NDUFAB1: variants seen among roughly 807,000 people sequenced by gnomAD.
The protein encoded by NDUFAB1 is NADH:ubiquinone oxidoreductase subunit AB1.
Under a neutral mutation model 16.1 loss-of-function variants are expected in NDUFAB1, and 5 were observed. The observed-to-expected ratio is 0.31, with a 90% CI of 0.16 to 0.65. The LOEUF is 0.65. Ranked by LOEUF, NDUFAB1 falls within the 30% of genes least tolerant of loss-of-function variation. NDUFAB1 has a pLI of 0.77. For missense variants in NDUFAB1, 187 were observed against 205.3 expected (o/e 0.91, Z 0.54); for synonymous variants, 85 against 78.4 (o/e 1.08, Z -0.44).
At chr16:23,595,415 C>T (rs1381768521) in intron 1 of NDUFAB1, 2 of 374,614 alleles carry the variant, frequency 5.3e-6, no homozygotes, top group Non-Finnish European at 1.1e-5. Context: ...ATACCCAAAT[C>T]CCCGCACACT....
At chr16:23,581,546 TAA>T (rs60306232) in intron 4 of NDUFAB1, among the ~76,000 whole-genome samples, 32 of 122,938 alleles carry the variant, frequency 2.6e-4, no homozygotes, top group East Asian at 4.5e-4. Context: ...GTTCCATCTT[TAA>T]AAAAAAAAAA....
intron 1 of NDUFAB1, 38 bp downstream of exon 1, chr16:23,596,085 G>T: frequency 6.3e-7 from 1 of 1,593,708 alleles, no homozygotes; most frequent in South Asian, 1.1e-5. Context: ...CCCAATCCCT[G>T]ACCCTTGCCA....
chr16:23,582,703 GCTCCCTCTCCCTCTCCCCACGGT>G (rs1229718996), intron 3 of NDUFAB1, among the ~76,000 whole-genome samples: 230 of 145,578 alleles, frequency 1.6e-3, no homozygotes, highest in Non-Finnish European at 2.0e-3. Flanking sequence ...AAGAAACCCA[GCTCCCTCTCCCTCTCCCCACGGT>G]CTCCCTCTCC....
chr16:23,584,177 C>T (rs538993577), intron 3 of NDUFAB1, among the ~76,000 whole-genome samples: 3 of 145,730 alleles, frequency 2.1e-5, no homozygotes, highest in Admixed American at 7.0e-5. Context: ...CACTTGTTTA[C>T]CTGCTGACCT....
intron 1 of NDUFAB1, among the ~76,000 whole-genome samples, chr16:23,590,650 T>C (rs919384234): frequency 5.4e-5 from 8 of 147,952 alleles, no homozygotes; most frequent in Non-Finnish European, 8.8e-5. Context: ...TTTTTTTTTT[T>C]TTTTCAGACA....
intron 1 of NDUFAB1, among the ~76,000 whole-genome samples, chr16:23,593,084 C>T (rs2142238870): frequency 6.6e-6 from 1 of 152,252 alleles, no homozygotes; most frequent in South Asian, 2.1e-4. Flanking sequence ...TGCTTGAGCC[C>T]AAGAGTTCAC....
rs59508459 is a variant in NDUFAB1 at position 23,591,718 on chromosome 16, G to T, written c.169-4399C>A. On this transcript the variant is annotated intron_variant, in intron 1 of 4. Coordinates refer to ENST00000007516, the MANE Select transcript of NDUFAB1 (RefSeq NM_005003.3). ...TTCCCCCCAACAATGTTCCCTTCCA[G>T]ACACCCTAAGAGTCAACCACAAGGA... 7.6e-3 allele frequency among the ~76,000 whole-genome samples: 1,155 copies of T among 152,206 alleles called. 18 individuals carry two copies. The highest frequency in any genetic ancestry group is 0.027 in the African/African-American group (1,103 of 41,520).
intron 1 of NDUFAB1, among the ~76,000 whole-genome samples, chr16:23,593,460 C>G (rs1168915348): frequency 2.0e-5 from 3 of 152,328 alleles, no homozygotes; most frequent in East Asian, 3.9e-4. Flanking sequence ...CTCTCAACAG[C>G]TAGCATGAGT....
At chr16:23,586,410 A>G (rs1966233756) in intron 2 of NDUFAB1, among the ~76,000 whole-genome samples, 1 of 151,600 alleles carries the variant, frequency 6.6e-6, no homozygotes, top group Non-Finnish European at 1.5e-5. Flanking sequence ...ATCTCGGCTC[A>G]CTGCACCCTC....
At chr16:23,585,232 T>A in intron 3 of NDUFAB1, 104 bp downstream of exon 3, 1 of 823,574 alleles carries the variant, frequency 1.2e-6, no homozygotes, top group Non-Finnish European at 2.0e-6. Context: ...CTACTGTTTC[T>A]ATTAATATTT....
chr16:23,594,982 G>A (rs1036020760), intron 1 of NDUFAB1, among the ~76,000 whole-genome samples: 2 of 151,674 alleles, frequency 1.3e-5, no homozygotes, highest in Non-Finnish European at 2.9e-5. Context: ...GCAGGGCGCG[G>A]TGGTTCACGC....
At chr16:23,590,852 G>T (rs1298669579) in intron 1 of NDUFAB1, 1 of 152,052 alleles carries the variant, frequency 6.6e-6, no homozygotes, top group Non-Finnish European at 1.5e-5. Context: ...GGCCAGGCTG[G>T]TCCTGAACTC....
intron 1 of NDUFAB1, among the ~76,000 whole-genome samples, chr16:23,589,915 G>A (rs116872228): frequency 0.014 from 1,952 of 139,250 alleles, 18 homozygotes; most frequent in South Asian, 0.021. Context: ...CAGCCTGGGC[G>A]GCAGGGTGAG....
chr16:23,593,641 C>G (rs1210302329), intron 1 of NDUFAB1, among the ~76,000 whole-genome samples: 1 of 152,198 alleles, frequency 6.6e-6, no homozygotes, highest in African/African-American at 2.4e-5. Flanking sequence ...GCAGCAGGAT[C>G]TTCTGGAAGC....
chr16:23,593,895 T>C (rs113163737), intron 1 of NDUFAB1, among the ~76,000 whole-genome samples: 1,920 of 139,816 alleles, frequency 0.014, 20 homozygotes, highest in South Asian at 0.022. Flanking sequence ...TTTATTTATT[T>C]ATTGAGATGG....
At chr16:23,583,627 G>A (rs1204356788) in intron 3 of NDUFAB1, among the ~76,000 whole-genome samples, 15 of 115,262 alleles carry the variant, frequency 1.3e-4, no homozygotes, top group African/African-American at 4.2e-4. Flanking sequence ...CAGCCGCCCC[G>A]TCTGAGAAGT....
rs574003194 is a variant in NDUFAB1 at position 23,590,638 on chromosome 16, C to CTATTTCTTTTTTTTTT, written c.169-3320_169-3319insAAAAAAAAAAGAAATA. The stretch of plus-strand genomic sequence containing the variant: ...CCTCTCATGCTCCTGCCTCTGGTCT[C>CTATTTCTTTTTTTTTT]TTTTTTTTTTTTTTTTCAGACAGAG... On this transcript the variant is annotated intron_variant, in intron 1 of 4. Coordinates refer to ENST00000007516, the MANE Select transcript of NDUFAB1 (RefSeq NM_005003.3). Among the ~76,000 whole-genome samples, 49 of 131,850 alleles carry CTATTTCTTTTTTTTTT rather than the reference C, an allele frequency of 3.7e-4. 1 individual carries two copies. Among genetic ancestry groups the CTATTTCTTTTTTTTTT allele is most frequent in the African/African-American group, 1.0e-3 (35 of 34,796 alleles). 86.5% of individuals were successfully genotyped at this position (131,850 alleles called of 152,430 possible).
In NDUFAB1 at chr16:23,587,303, G is replaced by A. The variant is rs1202002019; in HGVS notation, c.185C>T (p.Thr62Ile). The A allele has an allele frequency of 5.0e-6, 8 of 1,614,016 alleles. No homozygotes were observed. Among genetic ancestry groups the A allele is most frequent in the Admixed American group, 1.7e-5 (1 of 60,012 alleles). ...GTCGCTATACTGGCGGCACAACTGT[G>A]TAACTCTACCAGGAACCTAGAGCGA... ...LVLAQVPGRV[T>I]QLCRQYSDMP... The change falls in exon 2 of 5, where the codon ACA becomes ATA. Residue 62 changes from threonine (T) to isoleucine (I), a missense_variant. Transcript: ENST00000007516.
Position 23,589,299 on chromosome 16 carries a change from GA to G in NDUFAB1, c.169-1981del, listed in dbSNP as rs200912248. On this transcript the variant is annotated intron_variant, in intron 1 of 4. Coordinates refer to ENST00000007516, the MANE Select transcript of NDUFAB1 (RefSeq NM_005003.3). ...GTGACAGAGTGAGATTCCGTCTCAAGAAAAAAAAAAAAAAAATCAGGTTTAA... is the reference window on the plus strand; with the variant it reads ...GTGACAGAGTGAGATTCCGTCTCAAGAAAAAAAAAAAAAAATCAGGTTTAA... Among the ~76,000 whole-genome samples the G allele has an allele frequency of 7.8e-3, 798 of 102,386 alleles. 7 individuals are homozygous for G. Among genetic ancestry groups the G allele is most frequent in the East Asian group, 0.028 (101 of 3,666 alleles). 67.2% of individuals were successfully genotyped at this position (102,386 alleles called of 152,430 possible).
Sources: allele counts gnomAD v4.1 joint callset (sites outside exome capture counted in the v4.1 genomes callset), GRCh38; gene constraint gnomAD v4.1.1; transcripts MANE v1.5; gene names NCBI Gene and HGNC (gene_info 2026-07-23, HGNC 2026-07-21).